Variants in UBR3 observed in about 807,000 individuals in gnomAD.
UBR3 encodes the protein E3 ubiquitin-protein ligase UBR3.
UBR3 carries 85 observed loss-of-function variants against 243.2 expected under a neutral mutation model. The observed-to-expected ratio is 0.35, with a 90% CI of 0.29 to 0.42. The LOEUF is 0.42. Ranked by LOEUF, UBR3 falls within the 10% of genes least tolerant of loss-of-function variation. UBR3 has a pLI of 1.00. For missense variants in UBR3, 1,686 were observed against 2,300.8 expected, an observed-to-expected ratio of 0.73 and a Z score of 5.47; for synonymous variants, 748 against 799.8, an observed-to-expected ratio of 0.94 and a Z score of 1.09.
intron 25 of UBR3, among the ~76,000 whole-genome samples, chr2:169,993,692 G>GGTA (rs1165619609): frequency 6.6e-6 from 1 of 152,182 alleles, no homozygotes; most frequent in African/African-American, 2.4e-5. Context: ...CCTTGGGTAA[G>GGTA]GTAGTAGGTA....
chr2:169,845,171 C>T (rs2082424507), intron 1 of UBR3, among the ~76,000 whole-genome samples: 1 of 151,830 alleles, frequency 6.6e-6, no homozygotes, highest in Non-Finnish European at 1.5e-5. Context: ...GCCTGTAATC[C>T]CAGCACTCTG....
intron 6 of UBR3, among the ~76,000 whole-genome samples, chr2:169,893,613 G>A (rs943874376): frequency 3.9e-5 from 6 of 152,152 alleles, no homozygotes; most frequent in African/African-American, 1.4e-4. Flanking sequence ...GGAATGATCA[G>A]TGGCATGGTC....
chr2:169,831,888 A>G (rs1369099219), intron 1 of UBR3, among the ~76,000 whole-genome samples: 1 of 152,250 alleles, frequency 6.6e-6, no homozygotes, highest in African/African-American at 2.4e-5. Flanking sequence ...TCTAACTGCC[A>G]TAAGTTTGTA....
intron 29 of UBR3, chr2:170,014,101 G>T: frequency 3.6e-6 from 1 of 280,104 alleles, no homozygotes; most frequent in East Asian, 9.5e-5. Flanking sequence ...GTGTTAAATT[G>T]CTTTTTCTCC....
At chr2:170,056,077 A>G (rs6755862) in intron 33 of UBR3, among the ~76,000 whole-genome samples, 144,441 of 147,318 alleles carry the variant, frequency 0.98, 70,860 homozygotes, top group East Asian at 1. Flanking sequence ...GTACAATCTC[A>G]GCTCACTGCA....
chr2:170,041,032 G>A (rs764128647), intron 32 of UBR3, 47 bp downstream of exon 32: 52 of 1,533,412 alleles, frequency 3.4e-5, no homozygotes, highest in Non-Finnish European at 4.6e-5. Flanking sequence ...TATGTATTTT[G>A]AATATTCTAG....
rs1207236594 is a variant in UBR3 at position 169,890,581 on chromosome 2, G to GTATATATATATATATGTA, written c.1039-573_1039-572insATATGTATATATATATAT. Among the ~76,000 whole-genome samples the GTATATATATATATATGTA allele has an allele frequency of 5.4e-4, 52 of 96,476 alleles. 1 individual carries two copies. The highest frequency in any genetic ancestry group is 2.5e-3 in the African/African-American group (50 of 20,110). 63.3% of individuals were successfully genotyped at this position (96,476 alleles called of 152,430 possible). A position where few individuals can be genotyped will look rare whatever the true frequency, so the allele number is the denominator to read the frequency against. On this transcript the variant is annotated intron_variant, in intron 5 of 38. Coordinates refer to ENST00000272793, the MANE Select transcript of UBR3 (RefSeq NM_172070.4). The stretch of plus-strand genomic sequence containing the variant: ...TATATATATGTGTATATATATATAT[G>GTATATATATATATATGTA]TATATATATATGTATATATATGTAT...
At chr2:170,039,761 C>T (rs1341962306) in intron 31 of UBR3, among the ~76,000 whole-genome samples, 1 of 152,150 alleles carries the variant, frequency 6.6e-6, no homozygotes, top group Admixed American at 6.6e-5. Flanking sequence ...AAAAATTAAA[C>T]ATGTAGTCAA....
chr2:170,043,039 G>T (rs926567582), intron 32 of UBR3, among the ~76,000 whole-genome samples: 1 of 152,006 alleles, frequency 6.6e-6, no homozygotes, highest in Non-Finnish European at 1.5e-5. Context: ...GTTTACTCCT[G>T]ATTGTGCTCT....
intron 10 of UBR3, among the ~76,000 whole-genome samples, chr2:169,913,201 TC>T (rs2085321970): frequency 6.6e-6 from 1 of 152,190 alleles, no homozygotes; most frequent in African/African-American, 2.4e-5. Flanking sequence ...AATTACAGCC[TC>T]TCTAGTTGGT....
intron 5 of UBR3, among the ~76,000 whole-genome samples, chr2:169,890,581 G>GTATATATATATGTGTATATATATATGTA (rs2084330445): frequency 6.2e-5 from 6 of 96,528 alleles, no homozygotes; most frequent in African/African-American, 9.9e-5. Context: ...ATATATATAT[G>GTATATATATATGTGTATATATATATGTA]TATATATATA....
intron 31 of UBR3, among the ~76,000 whole-genome samples, chr2:170,035,100 A>G (rs1024039732): frequency 9.9e-5 from 15 of 151,916 alleles, no homozygotes; most frequent in African/African-American, 1.4e-4. Context: ...TCTTTTGCAA[A>G]TGTTTTCTCC....
intron 33 of UBR3, among the ~76,000 whole-genome samples, chr2:170,057,146 C>G (rs2091353601): frequency 7.1e-6 from 1 of 140,098 alleles, no homozygotes; most frequent in Non-Finnish European, 1.5e-5. Context: ...GAGACAGGGT[C>G]TCATTGTCAC....
chr2:169,860,192 G>A (rs910210741), intron 1 of UBR3, among the ~76,000 whole-genome samples: 1 of 152,108 alleles, frequency 6.6e-6, no homozygotes, highest in African/African-American at 2.4e-5. Context: ...GTTATGGATC[G>A]TATGTTTCTG....
At chr2:170,027,419 A>T in intron 30 of UBR3, among the ~76,000 whole-genome samples, 1 of 151,588 alleles carries the variant, frequency 6.6e-6, no homozygotes, top group East Asian at 1.9e-4. Flanking sequence ...ATGATGAAAA[A>T]CTTTTCTACT....
intron 23 of UBR3, among the ~76,000 whole-genome samples, chr2:169,952,252 G>C (rs2087067099): frequency 6.6e-6 from 1 of 152,048 alleles, no homozygotes; most frequent in Non-Finnish European, 1.5e-5. Flanking sequence ...GAAAAACTGG[G>C]GTGAGTGGCA....
intron 21 of UBR3, among the ~76,000 whole-genome samples, chr2:169,946,790 A>G (rs544200140): frequency 6.6e-6 from 1 of 152,274 alleles, no homozygotes; most frequent in Admixed American, 6.5e-5. Flanking sequence ...GTAAAACTGA[A>G]GTTAGGACTT....
intron 29 of UBR3, among the ~76,000 whole-genome samples, chr2:170,012,673 G>GTTT (rs34266638): frequency 1.2e-4 from 17 of 145,392 alleles, no homozygotes; most frequent in Non-Finnish European, 1.7e-4. Flanking sequence ...GAAGATACTG[G>GTTT]TTTTTTTTTT....
At chr2:170,074,956 T>G (rs996035431) in intron 36 of UBR3, among the ~76,000 whole-genome samples, 4 of 152,176 alleles carry the variant, frequency 2.6e-5, no homozygotes, top group African/African-American at 9.7e-5. Flanking sequence ...GGTGGTGTCT[T>G]TGGCAGAAAT....
Sources: gnomAD v4.1 joint callset for allele counts (sites outside exome capture counted in the v4.1 genomes callset) on GRCh38, gnomAD v4.1.1 for gene constraint, MANE v1.5 for transcripts, NCBI Gene and HGNC (gene_info 2026-07-23, HGNC 2026-07-21) for gene names.